Variants in PTBP3 observed in about 807,000 individuals in gnomAD.
PTBP3 encodes the protein polypyrimidine tract-binding protein 3.
In PTBP3, 20 loss-of-function variants were observed where a neutral mutation model predicts 58.7. The ratio of observed to expected loss-of-function variants is 0.34; its 90% CI spans 0.24 to 0.50. The LOEUF is 0.50. Ranked by LOEUF, PTBP3 falls within the 20% of genes least tolerant of loss-of-function variation. The pLI is 0.98. For missense variants in PTBP3, 509 were observed against 637.2 expected (o/e 0.80, Z 2.17); for synonymous variants, 185 against 219.8 (o/e 0.84, Z 1.40).
At chr9:112,246,498 T>A (rs1835882030) in intron 7 of PTBP3, among the ~76,000 whole-genome samples, 1 of 151,442 alleles carries the variant, frequency 6.6e-6, no homozygotes, top group Non-Finnish European at 1.5e-5. Context: ...ATTGAGACCA[T>A]CCTGGCTAAC....
At chr9:112,240,821 T>C (rs1293751249) in intron 7 of PTBP3, among the ~76,000 whole-genome samples, 3 of 152,090 alleles carry the variant, frequency 2.0e-5, no homozygotes, top group African/African-American at 7.2e-5. Flanking sequence ...ATATTGACAA[T>C]CCTGACCTTG....
At chr9:112,333,093 C>A (rs1453243236) in intron 1 of PTBP3, 1 of 1,274,262 alleles carries the variant, frequency 7.8e-7, no homozygotes, top group African/African-American at 1.6e-5. Context: ...CCTCCCCCAG[C>A]GCCGCGCACC....
At chr9:112,346,544 A>G in the PTBP3 span, among the ~76,000 whole-genome samples, 4 of 152,312 alleles carry the variant, frequency 2.6e-5, no homozygotes, top group African/African-American at 7.2e-5. Flanking sequence ...TCTTCATTCC[A>G]AATACAGGTA....
intron 10 of PTBP3, among the ~76,000 whole-genome samples, chr9:112,230,963 T>TGTAGACAATA (rs547407546): frequency 6.6e-6 from 1 of 151,284 alleles, no homozygotes; most frequent in African/African-American, 2.5e-5. Flanking sequence ...ATTTTGACCC[T>TGTAGACAATA]ACGCAGCTGT....
chr9:112,350,757 C>G, the PTBP3 span, among the ~76,000 whole-genome samples: 1 of 152,158 alleles, frequency 6.6e-6, no homozygotes, highest in Non-Finnish European at 1.5e-5. Flanking sequence ...AGAAATATCT[C>G]AGAGTCTCTC....
rs1186230581 is a variant in PTBP3, at chr9:112,220,827, T to C, written c.*3024A>G. 1 of 973,712 alleles carries C rather than the reference T, an allele frequency of 1.0e-6. No homozygotes were observed. The highest frequency in any genetic ancestry group is 1.2e-6 in the Non-Finnish European group (1 of 819,408). The allele number at this position is 973,712 out of a possible 1,614,324, so 60.3% of individuals were successfully genotyped here. A position where few individuals can be genotyped will look rare whatever the true frequency, so the allele number is the denominator to read the frequency against. The stretch of plus-strand genomic sequence containing the variant: ...AAGTCCTGAATATATATACTTTGTG[T>C]AGAAGTCAAGACACCTTGAAAAGTG... On this transcript the variant is annotated 3_prime_UTR_variant, in exon 14 of 14. Transcript: ENST00000374257.
At chr9:112,231,747 TAA>T (rs141817730) in intron 9 of PTBP3, among the ~76,000 whole-genome samples, 3 of 148,772 alleles carry the variant, frequency 2.0e-5, no homozygotes, top group Non-Finnish European at 1.5e-5. Context: ...ACAAAAGAAT[TAA>T]AAAAAAAAAT....
chr9:112,261,695 A>G (rs767378272), intron 5 of PTBP3, among the ~76,000 whole-genome samples: 1 of 152,262 alleles, frequency 6.6e-6, no homozygotes, highest in Non-Finnish European at 1.5e-5. Flanking sequence ...AGATTACCAG[A>G]TAACTGTATA....
intron 5 of PTBP3, among the ~76,000 whole-genome samples, chr9:112,257,531 C>A (rs550550278): frequency 6.6e-6 from 1 of 152,108 alleles, no homozygotes; most frequent in Non-Finnish European, 1.5e-5. Context: ...GACTGTAACA[C>A]AGGACTAAGA....
intron 2 of PTBP3, among the ~76,000 whole-genome samples, chr9:112,280,123 A>C (rs896068562): frequency 8.5e-5 from 13 of 152,052 alleles, no homozygotes; most frequent in South Asian, 4.1e-4. Flanking sequence ...GCAGTGATGC[A>C]ATCGGCTCAC....
chr9:112,258,910 C>T (rs986483249), intron 5 of PTBP3, among the ~76,000 whole-genome samples: 7 of 152,192 alleles, frequency 4.6e-5, no homozygotes, highest in Admixed American at 2.6e-4. Flanking sequence ...TCATCTCTCA[C>T]TTGAAGTAGG....
rs1486858704 is a variant in PTBP3 at position 112,221,600 on chromosome 9, T to C, written c.*2251A>G. The C allele has an allele frequency of 1.0e-6, 1 of 985,334 alleles. No homozygotes were observed. Among genetic ancestry groups the C allele is most frequent in the East Asian group, 1.1e-4 (1 of 8,830 alleles). 61.0% of individuals were successfully genotyped at this position (985,334 alleles called of 1,614,324 possible). A position where few individuals can be genotyped will look rare whatever the true frequency, so the allele number is the denominator to read the frequency against. On this transcript the variant is annotated 3_prime_UTR_variant, in exon 14 of 14. Coordinates refer to ENST00000374257, the MANE Select transcript of PTBP3 (RefSeq NM_001163788.4). Reference sequence around the variant, plus strand: ...GCAAAGAAATTTTTTTCCTCCTTCATATACCCCTTGTGTCTAGGTCAAAAC... The same window carrying C: ...GCAAAGAAATTTTTTTCCTCCTTCACATACCCCTTGTGTCTAGGTCAAAAC...
intron 4 of PTBP3, among the ~76,000 whole-genome samples, chr9:112,265,704 C>A (rs145874879): frequency 2.5e-3 from 383 of 152,168 alleles, no homozygotes; most frequent in Non-Finnish European, 4.2e-3. Flanking sequence ...GCATGTTAGA[C>A]GAGACTGTGC....
At chr9:112,338,738 G>A in the PTBP3 span, among the ~76,000 whole-genome samples, 1 of 152,124 alleles carries the variant, frequency 6.6e-6, no homozygotes, top group Admixed American at 6.5e-5. Flanking sequence ...TTGAAGAGGC[G>A]GCATGTAAGT....
intron 3 of PTBP3, among the ~76,000 whole-genome samples, chr9:112,268,571 C>T (rs1251206203): frequency 7.1e-6 from 1 of 141,306 alleles, no homozygotes; most frequent in Non-Finnish European, 1.5e-5. Flanking sequence ...TGGCACATGG[C>T]TGTGGTCCCA....
chr9:112,299,886 C>A (rs932629254), intron 1 of PTBP3, among the ~76,000 whole-genome samples: 1 of 152,210 alleles, frequency 6.6e-6, no homozygotes, highest in African/African-American at 2.4e-5. Flanking sequence ...CTCTTTCAGC[C>A]TGATTCTCAG....
In PTBP3 at chr9:112,220,044, G is replaced by C. The variant is rs1242651859; in HGVS notation, c.*3807C>G. On this transcript the variant is annotated 3_prime_UTR_variant, in exon 14 of 14. Coordinates refer to ENST00000374257, the MANE Select transcript of PTBP3 (RefSeq NM_001163788.4). ...TCTGGCAGTTTTGTTCTCATTAACA[G>C]ATCAAGACAAAGGAAAGGCTAAGAA... The C allele has an allele frequency of 8.8e-7, 1 of 1,133,510 alleles. No individual in the cohort carries two copies. Among genetic ancestry groups the C allele is most frequent in the East Asian group, 6.2e-5 (1 of 16,178 alleles). The allele number at this position is 1,133,510 out of a possible 1,614,324, so 70.2% of individuals were successfully genotyped here. A position where few individuals can be genotyped will look rare whatever the true frequency, so the allele number is the denominator to read the frequency against.
chr9:112,222,075 G>A lies in PTBP3; in HGVS notation c.*1776C>T, dbSNP rs1451557382. ...TCAGCCTGTAGCTGGGACTACAGGC[G>A]CACAGGCGCACACCACCATGCCCAG... On this transcript the variant is annotated 3_prime_UTR_variant, in exon 14 of 14. Coordinates refer to ENST00000374257, the MANE Select transcript of PTBP3 (RefSeq NM_001163788.4). The A allele has an allele frequency of 8.2e-6, 8 of 979,272 alleles. No individual in the cohort carries two copies. The East Asian group carries it at 4.6e-4, about 56-fold the overall frequency. The allele number at this position is 979,272 out of a possible 1,614,324, so 60.7% of individuals were successfully genotyped here.
At position 112,223,519 on chromosome 9, in the gene PTBP3, A is replaced by G; in HGVS notation, c.*332T>C. 1.1e-6 allele frequency: 1 copy of G among 949,340 alleles called. No homozygotes were observed. Among genetic ancestry groups the G allele is most frequent in the East Asian group, 9.5e-5 (1 of 10,560 alleles). The allele number at this position is 949,340 out of a possible 1,614,324, so 58.8% of individuals were successfully genotyped here. On this transcript the variant is annotated 3_prime_UTR_variant, in exon 14 of 14. Transcript: ENST00000374257. ...AGTTTAGAAATGTTGTATAAGGCTGATCTGGACCCAAACTAAAACAACGTT... is the reference window on the plus strand; with the variant it reads ...AGTTTAGAAATGTTGTATAAGGCTGGTCTGGACCCAAACTAAAACAACGTT...
Sources: gnomAD v4.1 joint callset for allele counts (sites outside exome capture counted in the v4.1 genomes callset) on GRCh38, gnomAD v4.1.1 for gene constraint, MANE v1.5 for transcripts, NCBI Gene and HGNC (gene_info 2026-07-23, HGNC 2026-07-21) for gene names.